Variants in LIMS2 observed in about 807,000 individuals in gnomAD.
LIMS2 encodes the protein LIM zinc finger domain containing 2, also known as LIM and senescent cell antigen-like-containing domain protein 2.
A neutral mutation model predicts 45.3 loss-of-function variants in LIMS2; 30 were observed. The ratio of observed to expected loss-of-function variants is 0.66; its 90% CI spans 0.50 to 0.90. The LOEUF is 0.90. Ranked by LOEUF, LIMS2 falls within the 40% of genes least tolerant of loss-of-function variation. LIMS2 has a pLI of 0.00. For missense variants in LIMS2, 485 were observed against 468.7 expected, an observed-to-expected ratio of 1.03 and a Z score of -0.32; for synonymous variants, 173 against 188.0, an observed-to-expected ratio of 0.92 and a Z score of 0.65.
chr2:127,643,045 A>T lies in LIMS2; in HGVS notation c.387T>A (p.Arg129=), dbSNP rs1300793902. 2 of 1,585,152 alleles carry T rather than the reference A, an allele frequency of 1.3e-6. No homozygotes were observed. The highest frequency in any genetic ancestry group is 1.3e-5 in the African/African-American group (1 of 74,568). ...GRHLCRPCHN[R]EKAKGLGKYI... Reference sequence around the variant, plus strand: ...ACTTGCCCAGGCCCTTGGCCTTCTCACGGTTGTGGCAAGGCCGGCAGAGAT... The same window carrying T: ...ACTTGCCCAGGCCCTTGGCCTTCTCTCGGTTGTGGCAAGGCCGGCAGAGAT... The change falls in exon 5 of 10, where the codon CGT becomes CGA. Residue 129 remains arginine (R), a synonymous_variant. Coordinates refer to ENST00000355119, the MANE Select transcript of LIMS2 (RefSeq NM_001161403.3).
At chr2:127,658,727 T>C (rs1397429723) in intron 1 of LIMS2, among the ~76,000 whole-genome samples, 1 of 152,146 alleles carries the variant, frequency 6.6e-6, no homozygotes, top group African/African-American at 2.4e-5. Flanking sequence ...GTGGGTTCTG[T>C]CTCAAGTGTC....
chr2:127,669,772 A>G (rs1361849666), intron 1 of LIMS2, among the ~76,000 whole-genome samples: 1 of 152,224 alleles, frequency 6.6e-6, no homozygotes, highest in Non-Finnish European at 1.5e-5. Flanking sequence ...ATTCAAATAA[A>G]TAAGGAACTC....
chr2:127,651,836 C>A, intron 4 of LIMS2: 1 of 1,345,954 alleles, frequency 7.4e-7, no homozygotes, highest in South Asian at 1.3e-5. Flanking sequence ...TTTCCCCAGC[C>A]ACCTCCCCAG....
chr2:127,642,710 C>T lies in LIMS2; in HGVS notation c.509+213G>A. 1 of 587,910 alleles carries T rather than the reference C, an allele frequency of 1.7e-6. No individual in the cohort carries two copies. Among genetic ancestry groups the T allele is most frequent in the Non-Finnish European group, 3.0e-6 (1 of 336,738 alleles). 36.4% of individuals were successfully genotyped at this position (587,910 alleles called of 1,614,324 possible). Reference sequence around the variant, plus strand: ...TCCTGAGTCTCAAGTGCCCCCCAAACAGAGCCCTGGAGAGAGAAGCTTCCT... The same window carrying T: ...TCCTGAGTCTCAAGTGCCCCCCAAATAGAGCCCTGGAGAGAGAAGCTTCCT... On this transcript the variant is annotated intron_variant, in intron 5 of 9. Transcript: ENST00000355119. This position sits in a 1 kb window ranked among gnomAD's most constrained non-coding sequence, Gnocchi z 5.3.
At chr2:127,648,114 C>T in intron 4 of LIMS2, 1 of 985,556 alleles carries the variant, frequency 1.0e-6, no homozygotes, top group Non-Finnish European at 1.2e-6. Context: ...CCGAGACCAG[C>T]CAGACCAAGT....
At chr2:127,656,560 C>A (rs1359065173) in intron 2 of LIMS2, among the ~76,000 whole-genome samples, 2 of 152,010 alleles carry the variant, frequency 1.3e-5, no homozygotes, top group East Asian at 1.9e-4. Context: ...ATTACAGGCA[C>A]CTGCCACCAT....
chr2:127,642,268 C>T lies in LIMS2; in HGVS notation c.510-69G>A. 2 of 1,414,792 alleles carry T rather than the reference C, an allele frequency of 1.4e-6. No homozygotes were observed. The highest frequency in any genetic ancestry group is 1.9e-6 in the Non-Finnish European group (2 of 1,078,068). The allele number at this position is 1,414,792 out of a possible 1,614,324, so 87.6% of individuals were successfully genotyped here. Reference sequence around the variant, plus strand: ...TGCAGGGTCATGCCAGCAGCGCCTCCACCCCAGGGCACGGCTCCCCGAGGG... The same window carrying T: ...TGCAGGGTCATGCCAGCAGCGCCTCTACCCCAGGGCACGGCTCCCCGAGGG... On this transcript the variant is annotated intron_variant, in intron 5 of 9. Coordinates refer to ENST00000355119, the MANE Select transcript of LIMS2 (RefSeq NM_001161403.3). The surrounding 1 kb of genome is among the most constrained non-coding windows in gnomAD (Gnocchi z 5.3).
Position 127,675,116 on chromosome 2 carries a change from C to T in LIMS2, c.-92G>A, listed in dbSNP as rs1573855373. On this transcript the variant is annotated 5_prime_UTR_variant, in exon 1 of 10. Coordinates refer to ENST00000355119, the MANE Select transcript of LIMS2 (RefSeq NM_001161403.3). ...CCAGCCGAGCGCCCGCCCGCCAGCCCGGGCCGCGGAGCAGGGAGACGCCCA... is the reference window on the plus strand; with the variant it reads ...CCAGCCGAGCGCCCGCCCGCCAGCCTGGGCCGCGGAGCAGGGAGACGCCCA... 1.9e-6 allele frequency: 2 copies of T among 1,062,700 alleles called. No individual in the cohort carries two copies. Among genetic ancestry groups the T allele is most frequent in the Non-Finnish European group, 2.3e-6 (2 of 868,922 alleles). The allele number at this position is 1,062,700 out of a possible 1,614,324, so 65.8% of individuals were successfully genotyped here.
chr2:127,649,539 T>C (rs1049402644), intron 4 of LIMS2, among the ~76,000 whole-genome samples: 1 of 152,246 alleles, frequency 6.6e-6, no homozygotes, highest in Non-Finnish European at 1.5e-5. Flanking sequence ...AGGTGCGCTG[T>C]CCTGCCCTGG....
In LIMS2 at chr2:127,662,754, T is replaced by C. The variant is rs1016706317; in HGVS notation, c.12-5192A>G. ...CACATGTATACATATGGAACAAACC[T>C]GCAGGTTGTGCACATGTACCCTAAA... On this transcript the variant is annotated intron_variant, in intron 1 of 9. Coordinates refer to ENST00000355119, the MANE Select transcript of LIMS2 (RefSeq NM_001161403.3). Among the ~76,000 whole-genome samples the C allele has an allele frequency of 1.1e-4, 17 of 152,002 alleles. No homozygotes were observed. In the East Asian group the frequency reaches 2.9e-3, roughly 26 times the overall value.
chr2:127,658,026 C>T (rs1684378258), intron 1 of LIMS2, among the ~76,000 whole-genome samples: 1 of 152,188 alleles, frequency 6.6e-6, no homozygotes, highest in Non-Finnish European at 1.5e-5. Context: ...ATCCTCTGCA[C>T]CATGAGTTAG....
At chr2:127,662,302 C>G (rs112904517) in intron 1 of LIMS2, among the ~76,000 whole-genome samples, 4,198 of 152,200 alleles carry the variant, frequency 0.028, 207 homozygotes, top group African/African-American at 0.094. Context: ...CTCCTTCCAA[C>G]GAAGTCCTCA....
At chr2:127,650,885 C>G (rs1683690106) in intron 4 of LIMS2, 1 of 1,614,116 alleles carries the variant, frequency 6.2e-7, no homozygotes, top group Middle Eastern at 1.6e-4. Flanking sequence ...TTGGCAATAC[C>G]CTGGCTCTGT....
At chr2:127,663,128 G>A (rs979959850) in intron 1 of LIMS2, among the ~76,000 whole-genome samples, 1 of 152,182 alleles carries the variant, frequency 6.6e-6, no homozygotes, top group Admixed American at 6.5e-5. Flanking sequence ...TGTGGTATCA[G>A]TACTGTGAAA....
rs72960582 is a variant in LIMS2 at position 127,647,685 on chromosome 2, G to A, written c.360-4613C>T. ...CTCTTCCAGTCTCCAGGGCCTCCCC[G>A]CACACACCTTCCTCCTCTCCTGCCA... On this transcript the variant is annotated intron_variant, in intron 4 of 9. Coordinates refer to ENST00000355119, the MANE Select transcript of LIMS2 (RefSeq NM_001161403.3). The surrounding 1 kb of genome is among the most constrained non-coding windows in gnomAD (Gnocchi z 4.3). Among the ~76,000 whole-genome samples, 2,288 of 151,856 alleles carry A rather than the reference G, an allele frequency of 0.015. 56 individuals are homozygous for A. The highest frequency in any genetic ancestry group is 0.052 in the African/African-American group (2,158 of 41,362).
chr2:127,647,935 TTCCTCCCTCCTTTTACCTC>T lies in LIMS2; in HGVS notation c.360-4882_360-4864del. 1 of 799,252 alleles carries T rather than the reference TTCCTCCCTCCTTTTACCTC, an allele frequency of 1.3e-6. No homozygotes were observed. The highest frequency in any genetic ancestry group is 1.5e-6 in the Non-Finnish European group (1 of 659,590). 49.5% of individuals were successfully genotyped at this position (799,252 alleles called of 1,614,324 possible). A position where few individuals can be genotyped will look rare whatever the true frequency, so the allele number is the denominator to read the frequency against. ...CTCACAGGCCCTGTCAAGGGCTGTG[TTCCTCCCTCCTTTTACCTC>T]TCCTCCACAGCCCCCTTCACAGCCC... is the stretch of plus-strand genomic sequence containing the variant. On this transcript the variant is annotated intron_variant, in intron 4 of 9. Transcript: ENST00000355119. The surrounding 1 kb of genome is among the most constrained non-coding windows in gnomAD (Gnocchi z 4.3).
At chr2:127,650,196 C>G (rs1820971) in intron 4 of LIMS2, 6 of 856,792 alleles carry the variant, frequency 7.0e-6, no homozygotes, top group Non-Finnish European at 5.6e-6. Context: ...GGTGACACCC[C>G]GGCCACTGCA....
chr2:127,670,270 C>T (rs1685217360), intron 1 of LIMS2, among the ~76,000 whole-genome samples: 1 of 152,054 alleles, frequency 6.6e-6, no homozygotes, highest in Non-Finnish European at 1.5e-5. Context: ...AACTATGGCA[C>T]AATGGAATAT....
At chr2:127,649,703 G>T (rs1683502324) in intron 4 of LIMS2, among the ~76,000 whole-genome samples, 1 of 152,140 alleles carries the variant, frequency 6.6e-6, no homozygotes, top group Non-Finnish European at 1.5e-5. Flanking sequence ...TCTGCTGAGG[G>T]TGGGGAGCAC....
Sources: gnomAD v4.1 joint callset for allele counts (sites outside exome capture counted in the v4.1 genomes callset) on GRCh38, gnomAD v4.1.1 for gene constraint, Gnocchi (gnomAD v3.1) non-coding constraint, MANE v1.5 for transcripts, NCBI Gene and HGNC (gene_info 2026-07-23, HGNC 2026-07-21) for gene names.